Variants in MTUS2 observed in about 807,000 individuals in gnomAD.
The protein encoded by MTUS2 is microtubule associated scaffold protein 2.
In MTUS2, 40 loss-of-function variants were observed where a neutral mutation model predicts 114.1. The ratio of observed to expected loss-of-function variants is 0.35; its 90% CI spans 0.27 to 0.46. The LOEUF (loss-of-function observed/expected upper bound fraction) is 0.46. Among genes scored for constraint, MTUS2 ranks in the 20% least tolerant of loss-of-function variants. The pLI is 1.00. For missense variants in MTUS2, 1,679 were observed against 1,705.4 expected (o/e 0.98, Z 0.27); for synonymous variants, 688 against 672.0 (o/e 1.02, Z -0.37).
chr13:29,042,184 G>A (rs1011325046), intron 4 of MTUS2, among the ~76,000 whole-genome samples: 8 of 152,006 alleles, frequency 5.3e-5, no homozygotes, highest in African/African-American at 1.4e-4. Flanking sequence ...AAGGGATGGT[G>A]GATTTTGTCA....
chr13:28,937,987 G>T lies in MTUS2; in HGVS notation c.-242-86470G>T, dbSNP rs1227682747. Among the ~76,000 whole-genome samples the T allele has an allele frequency of 4.6e-5, 7 of 152,212 alleles. No homozygotes were observed. In the East Asian group the frequency reaches 1.3e-3, roughly 29 times the overall value. On this transcript the variant is annotated intron_variant, in intron 2 of 15. Transcript: ENST00000612955. ...ACTTTCCCATTTATCCAGAGGTCCT[G>T]CATGCCTCGGAATGAGGATGCTTCC...
intron 5 of MTUS2, among the ~76,000 whole-genome samples, chr13:29,214,936 A>G (rs1358008365): frequency 6.6e-6 from 1 of 151,970 alleles, no homozygotes; most frequent in Non-Finnish European, 1.5e-5. Flanking sequence ...GTTCTCCTGG[A>G]TAATATCCTG....
intron 4 of MTUS2, among the ~76,000 whole-genome samples, chr13:29,069,931 A>G (rs1013793610): frequency 2.3e-4 from 35 of 152,224 alleles, no homozygotes; most frequent in African/African-American, 8.4e-4. Context: ...TCCTAGCACA[A>G]AGCTTTCTTC....
chr13:29,456,172 G>T (rs915120675), intron 9 of MTUS2, among the ~76,000 whole-genome samples: 12 of 152,086 alleles, frequency 7.9e-5, no homozygotes, highest in African/African-American at 2.7e-4. Flanking sequence ...TATTATAAAA[G>T]AACCAAATAG....
At chr13:29,250,169 A>G (rs986999962) in intron 5 of MTUS2, among the ~76,000 whole-genome samples, 2 of 152,200 alleles carry the variant, frequency 1.3e-5, no homozygotes, top group Admixed American at 1.3e-4. Flanking sequence ...GTGGCATATA[A>G]TACTCAAACA....
intron 2 of MTUS2, among the ~76,000 whole-genome samples, chr13:28,979,568 T>G (rs1884267290): frequency 6.6e-6 from 1 of 152,162 alleles, no homozygotes; most frequent in Admixed American, 6.5e-5. Flanking sequence ...GGAAAAGATT[T>G]AGAAATAACA....
intron 5 of MTUS2, among the ~76,000 whole-genome samples, chr13:29,160,472 T>C (rs1893045713): frequency 6.6e-6 from 1 of 152,128 alleles, no homozygotes; most frequent in South Asian, 2.1e-4. Context: ...TTTCAGTGAG[T>C]CAAAAATTAT....
At chr13:29,037,762 G>T (rs934548866) in intron 4 of MTUS2, among the ~76,000 whole-genome samples, 1 of 151,848 alleles carries the variant, frequency 6.6e-6, no homozygotes, top group Non-Finnish European at 1.5e-5. Flanking sequence ...TCATTAAGTT[G>T]GTCTTCAATC....
At chr13:28,998,557 T>A (rs1479631372) in intron 2 of MTUS2, among the ~76,000 whole-genome samples, 3 of 152,242 alleles carry the variant, frequency 2.0e-5, no homozygotes, top group Non-Finnish European at 4.4e-5. Flanking sequence ...TCTTTTCACA[T>A]AGTCCCATAT....
At chr13:29,438,463 GT>G (rs1231127663) in intron 8 of MTUS2, among the ~76,000 whole-genome samples, 3 of 152,184 alleles carry the variant, frequency 2.0e-5, no homozygotes, top group Non-Finnish European at 2.9e-5. Context: ...CAGTTTCAGT[GT>G]CAGGTGCGGG....
At chr13:29,494,602 TG>T in intron 12 of MTUS2, among the ~76,000 whole-genome samples, 1 of 151,938 alleles carries the variant, frequency 6.6e-6, no homozygotes, top group Non-Finnish European at 1.5e-5. Context: ...GCAGGTGACC[TG>T]TGCTAGGTCA....
chr13:29,234,603 A>G (rs1896460406), intron 5 of MTUS2, among the ~76,000 whole-genome samples: 1 of 152,190 alleles, frequency 6.6e-6, no homozygotes. Context: ...AATTGTACAA[A>G]CACTTAGAAA....
chr13:28,985,966 G>A (rs1249292826), intron 2 of MTUS2, among the ~76,000 whole-genome samples: 6 of 152,152 alleles, frequency 3.9e-5, no homozygotes, highest in African/African-American at 1.2e-4. Flanking sequence ...TCATAATTGT[G>A]CGAGCTAATT....
At chr13:28,860,508 C>A (rs1330512101) in intron 2 of MTUS2, among the ~76,000 whole-genome samples, 1 of 152,184 alleles carries the variant, frequency 6.6e-6, no homozygotes, top group Non-Finnish European at 1.5e-5. Flanking sequence ...GAAAATGCGG[C>A]TAGGAAGGGG....
At chr13:29,471,005 T>G (rs1312707292) in intron 9 of MTUS2, among the ~76,000 whole-genome samples, 2 of 152,292 alleles carry the variant, frequency 1.3e-5, no homozygotes, top group African/African-American at 4.8e-5. Context: ...TTGCTTCTAT[T>G]TCACTTTCTT....
intron 2 of MTUS2, among the ~76,000 whole-genome samples, chr13:28,966,724 CAAAAAAAAAAA>C (rs10597818): frequency 1.2e-5 from 1 of 82,276 alleles, no homozygotes; most frequent in Non-Finnish European, 2.2e-5. Context: ...GACCCTGTCT[CAAAAAAAAAAA>C]AAAAAAAAAA....
At chr13:29,002,502 A>C (rs1255352093) in intron 2 of MTUS2, among the ~76,000 whole-genome samples, 1 of 152,236 alleles carries the variant, frequency 6.6e-6, no homozygotes, top group African/African-American at 2.4e-5. Context: ...AAATAGGAAA[A>C]GTTCTATTCT....
chr13:29,162,392 C>G (rs1893136122), intron 5 of MTUS2, among the ~76,000 whole-genome samples: 1 of 151,296 alleles, frequency 6.6e-6, no homozygotes, highest in Admixed American at 6.6e-5. Context: ...ATGCAGGACT[C>G]TTTTTTTTTG....
chr13:28,945,115 T>C (rs1882449312), intron 2 of MTUS2, among the ~76,000 whole-genome samples: 4 of 152,078 alleles, frequency 2.6e-5, no homozygotes. Flanking sequence ...AGAAAATGGC[T>C]TCCAGTTCCA....
Sources: gnomAD v4.1 joint callset for allele counts (sites outside exome capture counted in the v4.1 genomes callset) on GRCh38, gnomAD v4.1.1 for gene constraint, MANE v1.5 for transcripts, NCBI Gene and HGNC (gene_info 2026-07-23, HGNC 2026-07-21) for gene names.